The following AKT3 variants were observed in gnomAD, a reference collection of about 807,000 sequenced individuals.
AKT3 encodes the protein AKT serine/threonine kinase 3.
In AKT3, 15 loss-of-function variants were observed where a neutral mutation model predicts 65.3. That is an observed-to-expected ratio of 0.23 (90% CI 0.15 to 0.35). AKT3 has a LOEUF of 0.35. Among genes scored for constraint, AKT3 ranks in the 10% least tolerant of loss-of-function variants. The pLI, the probability that AKT3 is intolerant of heterozygous loss-of-function variation, is 1.00. For synonymous variants in AKT3, 206 were observed against 183.8 expected, an observed-to-expected ratio of 1.12 and a Z score of -0.98; for missense variants, 243 against 576.5, an observed-to-expected ratio of 0.42 and a Z score of 5.92.
At chr1:243,806,671 T>C (rs1692747688) in intron 2 of AKT3, among the ~76,000 whole-genome samples, 1 of 152,188 alleles carries the variant, frequency 6.6e-6, no homozygotes, top group South Asian at 2.1e-4. Flanking sequence ...AAATATCACA[T>C]AGCTATTTGA....
intron 4 of AKT3, among the ~76,000 whole-genome samples, chr1:243,661,483 G>A (rs1429326195): frequency 6.6e-6 from 1 of 150,506 alleles, no homozygotes; most frequent in Non-Finnish European, 1.5e-5. Flanking sequence ...AAATGGTGCT[G>A]GGAAAACTGG....
At chr1:243,630,029 C>T (rs1277544308) in intron 6 of AKT3, among the ~76,000 whole-genome samples, 2 of 152,104 alleles carry the variant, frequency 1.3e-5, no homozygotes, top group African/African-American at 4.8e-5. Flanking sequence ...GCCACTATCC[C>T]CAGGAAGCTA....
At chr1:243,822,809 G>C (rs962770057) in intron 2 of AKT3, among the ~76,000 whole-genome samples, 45 of 152,064 alleles carry the variant, frequency 3.0e-4, no homozygotes, top group Admixed American at 6.6e-4. Flanking sequence ...ACCAAAAAAA[G>C]CCCAGGACCA....
intron 2 of AKT3, among the ~76,000 whole-genome samples, chr1:243,771,867 C>G (rs1431333384): frequency 1.3e-5 from 2 of 151,972 alleles, no homozygotes; most frequent in South Asian, 2.1e-4. Flanking sequence ...CAGAACAGAG[C>G]CCTCAGAAAT....
intron 3 of AKT3, among the ~76,000 whole-genome samples, chr1:243,676,863 G>A (rs1683561165): frequency 6.6e-6 from 1 of 152,062 alleles, no homozygotes; most frequent in African/African-American, 2.4e-5. Flanking sequence ...TGACCTCTTA[G>A]GTGGTCTCCC....
chr1:243,585,258 T>C (rs139614829), intron 8 of AKT3, among the ~76,000 whole-genome samples: 1 of 151,966 alleles, frequency 6.6e-6, no homozygotes, highest in East Asian at 1.9e-4. Flanking sequence ...TGAAAAAACG[T>C]TCCATGCTCA....
chr1:243,630,604 C>T (rs771306965), intron 6 of AKT3, among the ~76,000 whole-genome samples: 13 of 152,170 alleles, frequency 8.5e-5, no homozygotes, highest in Non-Finnish European at 1.9e-4. Context: ...CCATCAACCT[C>T]TGCCTTTGCA....
intron 4 of AKT3, among the ~76,000 whole-genome samples, chr1:243,654,847 C>G (rs775643091): frequency 8.6e-5 from 13 of 151,984 alleles, no homozygotes; most frequent in Non-Finnish European, 1.6e-4. Flanking sequence ...ACATTTTTTT[C>G]TCTGTCTACA....
At chr1:243,645,613 A>C (rs771974123) in intron 5 of AKT3, among the ~76,000 whole-genome samples, 4 of 152,250 alleles carry the variant, frequency 2.6e-5, no homozygotes, top group African/African-American at 4.8e-5. Flanking sequence ...TTGTATTAAA[A>C]ATAATAAGGA....
intron 2 of AKT3, among the ~76,000 whole-genome samples, chr1:243,823,236 T>C (rs1443674410): frequency 6.6e-6 from 1 of 152,182 alleles, no homozygotes; most frequent in Non-Finnish European, 1.5e-5. Flanking sequence ...CATCCCTTAA[T>C]GTTAAAAACT....
intron 13 of AKT3, among the ~76,000 whole-genome samples, chr1:243,509,336 T>C (rs994583740): frequency 3.9e-5 from 6 of 152,188 alleles, no homozygotes; most frequent in African/African-American, 1.2e-4. Flanking sequence ...GTCCTAGAGA[T>C]TGAGCAATAA....
At chr1:243,802,653 A>G (rs922343920) in intron 2 of AKT3, among the ~76,000 whole-genome samples, 4 of 152,160 alleles carry the variant, frequency 2.6e-5, no homozygotes, top group Non-Finnish European at 5.9e-5. Flanking sequence ...TTACTCTATT[A>G]AATAGTAGAA....
intron 8 of AKT3, among the ~76,000 whole-genome samples, chr1:243,594,041 A>G (rs1225469385): frequency 1.3e-5 from 2 of 152,256 alleles, no homozygotes; most frequent in Non-Finnish European, 2.9e-5. Flanking sequence ...GACTATCTAC[A>G]TAGACATTTC....
In AKT3 at chr1:243,501,801, C is replaced by T. The variant is rs883582; in HGVS notation, c.*3448G>A. Reference sequence around the variant, plus strand: ...TAGTGCTTTATTTAAGCTGTCTGTACGAAGGAAAATCATGTTCATCCCTAT... The same window carrying T: ...TAGTGCTTTATTTAAGCTGTCTGTATGAAGGAAAATCATGTTCATCCCTAT... On this transcript the variant is annotated 3_prime_UTR_variant, in exon 14 of 14. Transcript: ENST00000673466. 41 of 232,700 alleles carry T rather than the reference C, an allele frequency of 1.8e-4. No individual in the cohort carries two copies. The South Asian group carries it at 5.1e-3, about 29-fold the overall frequency. The allele number at this position is 232,700 out of a possible 1,614,324, so 14.4% of individuals were successfully genotyped here.
chr1:243,612,375 C>G (rs1032249341), intron 8 of AKT3: 1 of 152,036 alleles, frequency 6.6e-6, no homozygotes, highest in African/African-American at 2.4e-5. Context: ...TCAGCCTCCC[C>G]AACTGCTGGG....
chr1:243,847,992 T>A (rs1274601373), intron 1 of AKT3, among the ~76,000 whole-genome samples: 1 of 152,136 alleles, frequency 6.6e-6, no homozygotes, highest in African/African-American at 2.4e-5. Flanking sequence ...AAATAATAAT[T>A]TCACAATTTT....
chr1:243,815,971 C>A (rs376980801), intron 2 of AKT3, among the ~76,000 whole-genome samples: 5 of 152,200 alleles, frequency 3.3e-5, no homozygotes, highest in African/African-American at 1.2e-4. Flanking sequence ...ATTTTCAATA[C>A]AATAAGGTTT....
At chr1:243,587,447 C>T (rs933167440) in intron 8 of AKT3, among the ~76,000 whole-genome samples, 1 of 151,998 alleles carries the variant, frequency 6.6e-6, no homozygotes, top group African/African-American at 2.4e-5. Flanking sequence ...CCCGTCCCTA[C>T]CAAAAGCACA....
At chr1:243,820,240 A>T (rs948588500) in intron 2 of AKT3, among the ~76,000 whole-genome samples, 2 of 152,186 alleles carry the variant, frequency 1.3e-5, no homozygotes, top group African/African-American at 4.8e-5. Flanking sequence ...AAGAGAAACT[A>T]ACAGAAAGCA....
Sources: allele counts gnomAD v4.1 joint callset (sites outside exome capture counted in the v4.1 genomes callset), GRCh38; gene constraint gnomAD v4.1.1; transcripts MANE v1.5; gene names NCBI Gene and HGNC (gene_info 2026-07-23, HGNC 2026-07-21).